Variants in FBN1 observed in about 807,000 individuals in gnomAD.
FBN1 encodes fibrillin 1.
A neutral mutation model predicts 365.1 loss-of-function variants in FBN1; 29 were observed. The ratio of observed to expected loss-of-function variants is 0.08; its 90% confidence interval spans 0.06 to 0.11. FBN1 has a LOEUF of 0.11. Ranked by LOEUF, FBN1 falls within the 10% of genes least tolerant of loss-of-function variation. FBN1 has a pLI of 1.00. For missense variants in FBN1, 2,476 were observed against 3,703.2 expected (o/e 0.67, Z 8.60); for synonymous variants, 1,210 against 1,270.5 (o/e 0.95, Z 1.01).
At position 48,488,124 on chromosome 15, in the gene FBN1, T is replaced by A. The variant is rs776753439; in HGVS notation, c.3326A>T (p.Lys1109Met). Reference sequence around the variant, plus strand: ...GATCCCAAACTTACCCATGCAGTTCTTCATCATCATGAATCCACTTTCATA... The same window carrying A: ...GATCCCAAACTTACCCATGCAGTTCATCATCATCATGAATCCACTTTCATA... ...EGYESGFMMM[K>M]NCMDIDECQR... is the part of the protein sequence containing the mutation. Residue 1109 changes from lysine to methionine, a missense_variant, in exon 27 of 66, where the codon AAG becomes ATG. Lys to Met is a moderately conservative substitution (Grantham distance 95, BLOSUM62 -1). Coordinates refer to ENST00000316623, the MANE Select transcript of FBN1 (RefSeq NM_000138.5). 6.2e-7 allele frequency: 1 copy of A among 1,614,098 alleles called. No individual in the cohort carries two copies. The highest frequency in any genetic ancestry group is 8.5e-7 in the Non-Finnish European group (1 of 1,180,056).
chr15:48,492,405 A>G, intron 24 of FBN1, 56 bp downstream of exon 24: 2 of 1,561,620 alleles, frequency 1.3e-6, no homozygotes, highest in Non-Finnish European at 1.8e-6. Context: ...TGTTAACTTC[A>G]TTTTTAATAA....
At chr15:48,570,165 T>C (rs1392016832) in intron 6 of FBN1, among the ~76,000 whole-genome samples, 1 of 152,190 alleles carries the variant, frequency 6.6e-6, no homozygotes, top group African/African-American at 2.4e-5. Context: ...TAAGTAAGCT[T>C]TATATATCTA....
chr15:48,552,719 C>T (rs1218640868), intron 6 of FBN1, among the ~76,000 whole-genome samples: 2 of 152,120 alleles, frequency 1.3e-5, no homozygotes, highest in East Asian at 1.9e-4. Context: ...AACTGAGACA[C>T]CAAGTCCACA....
chr15:48,630,747 A>G (rs1333756172), intron 2 of FBN1, among the ~76,000 whole-genome samples: 15 of 142,974 alleles, frequency 1.0e-4, no homozygotes, highest in African/African-American at 4.4e-4. Context: ...AAAAAAAAAA[A>G]AAAGAAAAGA....
intron 2 of FBN1, among the ~76,000 whole-genome samples, chr15:48,623,327 G>A (rs1015569565): frequency 6.6e-6 from 1 of 152,186 alleles, no homozygotes; most frequent in Non-Finnish European, 1.5e-5. Context: ...GTCTTTGAAA[G>A]GCTACATAGG....
intron 6 of FBN1, among the ~76,000 whole-genome samples, chr15:48,566,320 C>A (rs2044258456): frequency 6.6e-6 from 1 of 152,184 alleles, no homozygotes; most frequent in Non-Finnish European, 1.5e-5. Flanking sequence ...TTCAACTTGG[C>A]TGAAATTGAA....
intron 25 of FBN1, 54 bp from the exon 26 acceptor site, chr15:48,488,547 A>G: frequency 6.3e-7 from 1 of 1,595,698 alleles, no homozygotes; most frequent in Non-Finnish European, 8.5e-7. Context: ...AGCAGTCAGG[A>G]GGTCTCAATG....
chr15:48,561,402 T>C (rs888402243), intron 6 of FBN1, among the ~76,000 whole-genome samples: 7 of 152,140 alleles, frequency 4.6e-5, no homozygotes, highest in African/African-American at 1.7e-4. Context: ...GGCAATATAT[T>C]CAAAGGGTTC....
At chr15:48,490,269 T>C (rs1205879187) in intron 24 of FBN1, among the ~76,000 whole-genome samples, 191 bp from the exon 25 acceptor site, 1 of 152,168 alleles carries the variant, frequency 6.6e-6, no homozygotes, top group East Asian at 1.9e-4. Flanking sequence ...AAGACTCTCT[T>C]TGTCAGCCCA....
intron 6 of FBN1, among the ~76,000 whole-genome samples, chr15:48,583,601 C>A (rs1159481190): frequency 6.6e-6 from 1 of 152,098 alleles, no homozygotes; most frequent in Admixed American, 6.6e-5. Flanking sequence ...TAGCTAAGTA[C>A]CTCTTATATT....
chr15:48,558,739 A>T (rs2044201279), intron 6 of FBN1, among the ~76,000 whole-genome samples: 3 of 152,250 alleles, frequency 2.0e-5, no homozygotes, highest in Admixed American at 2.0e-4. Flanking sequence ...AAAGCCTGCA[A>T]AATGAGATAA....
At chr15:48,577,738 C>T (rs1271956693) in intron 6 of FBN1, among the ~76,000 whole-genome samples, 1 of 152,172 alleles carries the variant, frequency 6.6e-6, no homozygotes, top group Non-Finnish European at 1.5e-5. Flanking sequence ...GCCATTTCTA[C>T]TTTTTGTTTC....
intron 35 of FBN1, among the ~76,000 whole-genome samples, chr15:48,471,301 T>C (rs2043375092): frequency 6.6e-6 from 1 of 152,144 alleles, no homozygotes; most frequent in Admixed American, 6.5e-5. Context: ...TCGTGTGCAG[T>C]TGACACACAG....
At chr15:48,560,573 G>A (rs867352678) in intron 6 of FBN1, among the ~76,000 whole-genome samples, 2 of 152,048 alleles carry the variant, frequency 1.3e-5, no homozygotes, top group African/African-American at 4.8e-5. Context: ...TATGAGATCT[G>A]GTATATTTGT....
chr15:48,512,478 A>C (rs569896163), intron 13 of FBN1, among the ~76,000 whole-genome samples: 3 of 152,164 alleles, frequency 2.0e-5, no homozygotes, highest in African/African-American at 7.2e-5. Flanking sequence ...TCCCTCCTCC[A>C]ACCCTCCACC....
rs566687435 is a variant in FBN1, at chr15:48,628,846, G to A, written c.165-15754C>T. 2.2e-4 allele frequency among the ~76,000 whole-genome samples: 33 copies of A among 152,202 alleles called. 1 individual carries two copies. In the Middle Eastern group the frequency reaches 0.01, roughly 47 times the overall value. ...AATGAATGCTAATAACACAAAAAGA[G>A]AGACTAGTAGTAATGATGTCCCTCC... is the stretch of plus-strand genomic sequence containing the variant. On this transcript the variant is annotated intron_variant, in intron 2 of 65. Coordinates refer to ENST00000316623, the MANE Select transcript of FBN1 (RefSeq NM_000138.5).
chr15:48,577,092 T>C (rs183861890), intron 6 of FBN1, among the ~76,000 whole-genome samples: 2 of 152,272 alleles, frequency 1.3e-5, no homozygotes, highest in Admixed American at 1.3e-4. Context: ...ATGCCCAACA[T>C]CAATTGGACT....
chr15:48,442,654 G>T (rs971221213), intron 49 of FBN1, among the ~76,000 whole-genome samples: 3 of 152,168 alleles, frequency 2.0e-5, no homozygotes, highest in African/African-American at 4.8e-5. Flanking sequence ...GGGAGCCCCA[G>T]CTCATGCCAG....
chr15:48,484,347 C>T, intron 30 of FBN1, among the ~76,000 whole-genome samples: 1 of 151,804 alleles, frequency 6.6e-6, no homozygotes, highest in Admixed American at 6.6e-5. Flanking sequence ...TACTTAGATG[C>T]TCTTAGTAAT....
Sources: allele counts gnomAD v4.1 joint callset (sites outside exome capture counted in the v4.1 genomes callset), GRCh38; gene constraint gnomAD v4.1.1; transcripts MANE v1.5; gene names NCBI Gene and HGNC (gene_info 2026-07-23, HGNC 2026-07-21).